Variants in ADAM23 observed in about 807,000 individuals in gnomAD.
ADAM23 encodes ADAM metallopeptidase domain 23, also known as disintegrin and metalloproteinase domain-containing protein 23.
ADAM23 carries 33 observed loss-of-function variants against 120.1 expected under a neutral mutation model. The ratio of observed to expected loss-of-function variants is 0.27; its 90% confidence interval spans 0.21 to 0.37. The LOEUF is 0.37. Ranked by LOEUF, ADAM23 falls within the 10% of genes least tolerant of loss-of-function variation. The pLI is 1.00. For synonymous variants in ADAM23, 367 were observed against 375.2 expected, an observed-to-expected ratio of 0.98 and a Z score of 0.25; for missense variants, 862 against 1,058.2, an observed-to-expected ratio of 0.81 and a Z score of 2.57.
chr2:206,451,974 T>C (rs1333111347), intron 2 of ADAM23, among the ~76,000 whole-genome samples: 2 of 152,214 alleles, frequency 1.3e-5, no homozygotes. Context: ...ATGAAGATTT[T>C]AGGTATTGAC....
At chr2:206,518,503 C>G (rs1696779285) in intron 3 of ADAM23, among the ~76,000 whole-genome samples, 1 of 152,100 alleles carries the variant, frequency 6.6e-6, no homozygotes, top group East Asian at 1.9e-4. Context: ...TGATTAAAAA[C>G]ATGTTAGCAT....
At chr2:206,615,064 A>G (rs978251551) in intron 25 of ADAM23, among the ~76,000 whole-genome samples, 1 of 152,224 alleles carries the variant, frequency 6.6e-6, no homozygotes, top group Non-Finnish European at 1.5e-5. Context: ...TAGAATGATA[A>G]GAATGTGCTA....
intron 18 of ADAM23, among the ~76,000 whole-genome samples, chr2:206,584,531 C>G (rs1417414814): frequency 6.6e-6 from 1 of 152,150 alleles, no homozygotes; most frequent in Non-Finnish European, 1.5e-5. Flanking sequence ...ACCTGCATGA[C>G]TCAGCAGAGG....
intron 6 of ADAM23, among the ~76,000 whole-genome samples, chr2:206,547,075 G>T (rs1321433375): frequency 6.6e-6 from 1 of 151,754 alleles, no homozygotes; most frequent in East Asian, 1.9e-4. Context: ...GGCAAAAGTT[G>T]GTGCTTCATT....
chr2:206,527,103 C>G (rs181970237), intron 3 of ADAM23, among the ~76,000 whole-genome samples: 1 of 152,284 alleles, frequency 6.6e-6, no homozygotes, highest in East Asian at 1.9e-4. Context: ...TCTGTAGCTT[C>G]AGTGATTGAA....
At chr2:206,603,543 C>CT (rs1386175573) in intron 24 of ADAM23, among the ~76,000 whole-genome samples, 4 of 152,242 alleles carry the variant, frequency 2.6e-5, no homozygotes, top group Non-Finnish European at 4.4e-5. Context: ...TTTGAAAAAG[C>CT]TTTTTTTCCC....
intron 2 of ADAM23, among the ~76,000 whole-genome samples, chr2:206,470,347 A>G (rs899003484): frequency 2.0e-5 from 3 of 152,196 alleles, no homozygotes; most frequent in African/African-American, 4.8e-5. Flanking sequence ...CTAAAACATT[A>G]CATGGACGTG....
At chr2:206,569,659 C>A (rs1697957250) in intron 15 of ADAM23, among the ~76,000 whole-genome samples, 2 of 152,202 alleles carry the variant, frequency 1.3e-5, no homozygotes, top group Admixed American at 1.3e-4. Context: ...CTAGTCAGCC[C>A]TTCCCTTTTC....
chr2:206,585,485 A>G (rs533611970), intron 18 of ADAM23, among the ~76,000 whole-genome samples: 1 of 152,314 alleles, frequency 6.6e-6, no homozygotes, highest in Non-Finnish European at 1.5e-5. Context: ...GAACCAAAGC[A>G]TTTGCCTTGG....
intron 2 of ADAM23, among the ~76,000 whole-genome samples, chr2:206,471,266 G>A (rs921780857): frequency 6.6e-6 from 1 of 152,176 alleles, no homozygotes; most frequent in Non-Finnish European, 1.5e-5. Flanking sequence ...TATAATTACT[G>A]TACCATAATT....
intron 2 of ADAM23, among the ~76,000 whole-genome samples, chr2:206,474,143 G>T (rs1695726129): frequency 6.6e-6 from 1 of 151,884 alleles, no homozygotes; most frequent in African/African-American, 2.4e-5. Flanking sequence ...ACTATCAATT[G>T]GAACATGGTA....
intron 14 of ADAM23, among the ~76,000 whole-genome samples, chr2:206,565,809 C>A (rs935560418): frequency 3.9e-5 from 6 of 152,188 alleles, no homozygotes; most frequent in Non-Finnish European, 5.9e-5. Flanking sequence ...AACACACCAA[C>A]CATTTCTGGT....
intron 3 of ADAM23, among the ~76,000 whole-genome samples, chr2:206,491,689 C>A (rs1307379336): frequency 1.3e-5 from 2 of 152,162 alleles, no homozygotes; most frequent in Non-Finnish European, 2.9e-5. Context: ...AAGTTTATTA[C>A]AGTAGTTACT....
At chr2:206,481,750 T>A (rs1360047417) in intron 3 of ADAM23, among the ~76,000 whole-genome samples, 1 of 152,202 alleles carries the variant, frequency 6.6e-6, no homozygotes, top group East Asian at 1.9e-4. Flanking sequence ...GAGAAGATTC[T>A]TTGCTTTATA....
chr2:206,610,532 C>G (rs986560019), intron 25 of ADAM23, among the ~76,000 whole-genome samples: 1 of 152,186 alleles, frequency 6.6e-6, no homozygotes, highest in Non-Finnish European at 1.5e-5. Flanking sequence ...TAATCCTCGA[C>G]CAACTGAATT....
chr2:206,584,159 C>T (rs555683182), intron 18 of ADAM23, among the ~76,000 whole-genome samples: 316 of 152,218 alleles, frequency 2.1e-3, no homozygotes, highest in Non-Finnish European at 3.8e-3. Context: ...TGAGTCTACC[C>T]GGCTCCAGGC....
intron 15 of ADAM23, among the ~76,000 whole-genome samples, 193 bp downstream of exon 15, chr2:206,567,515 C>G (rs954084226): frequency 6.6e-6 from 1 of 152,154 alleles, no homozygotes; most frequent in Non-Finnish European, 1.5e-5. Flanking sequence ...ATAGATTCAG[C>G]ATTCTCAGTC....
chr2:206,514,872 C>T (rs1176563655), intron 3 of ADAM23, among the ~76,000 whole-genome samples: 1 of 152,196 alleles, frequency 6.6e-6, no homozygotes, highest in Non-Finnish European at 1.5e-5. Context: ...CTCAGGTGAT[C>T]ATTAGCGTTT....
At chr2:206,462,164 G>GA (rs1695434404) in intron 2 of ADAM23, among the ~76,000 whole-genome samples, 1 of 152,082 alleles carries the variant, frequency 6.6e-6, no homozygotes. Flanking sequence ...TACTGGAGGT[G>GA]AAAAACTGAT....
Sources: allele counts gnomAD v4.1 joint callset (sites outside exome capture counted in the v4.1 genomes callset), GRCh38; gene constraint gnomAD v4.1.1; transcripts MANE v1.5; gene names NCBI Gene and HGNC (gene_info 2026-07-23, HGNC 2026-07-21).